The following JARID2 variants were observed in gnomAD, a reference collection of about 807,000 sequenced individuals.
JARID2 encodes protein Jumonji.
In JARID2, 21 loss-of-function variants were observed where a neutral mutation model predicts 125.6. The ratio of observed to expected loss-of-function variants is 0.17; its 90% CI spans 0.12 to 0.24. The LOEUF (loss-of-function observed/expected upper bound fraction) is 0.24, where lower values mean the gene tolerates loss of function less well. Ranked by LOEUF, JARID2 falls within the 10% of genes least tolerant of loss-of-function variation. The pLI is 1.00. For missense variants in JARID2, 1,303 were observed against 1,639.6 expected (o/e 0.79, Z 3.55); for synonymous variants, 736 against 661.6 (o/e 1.11, Z -1.73).
chr6:15,330,221 C>T (rs1309078320), intron 1 of JARID2, among the ~76,000 whole-genome samples: 1 of 152,250 alleles, frequency 6.6e-6, no homozygotes, highest in Middle Eastern at 3.2e-3. Context: ...CTTTTTCATT[C>T]ACCATCTGGT....
chr6:15,380,930 T>TC (rs35129152), intron 2 of JARID2, among the ~76,000 whole-genome samples: 75,560 of 151,944 alleles, frequency 0.5, 18,937 homozygotes, highest in Middle Eastern at 0.57. Context: ...AAAGTGACCT[T>TC]CCTCTACGAA....
chr6:15,282,556 GTCTT>G (rs1043365845), intron 1 of JARID2, among the ~76,000 whole-genome samples: 1 of 150,528 alleles, frequency 6.6e-6, no homozygotes, highest in Non-Finnish European at 1.5e-5. Context: ...CTCTGTCTTT[GTCTT>G]TCTCTCTTTC....
chr6:15,306,105 C>T (rs567979717), intron 1 of JARID2, among the ~76,000 whole-genome samples: 195 of 152,160 alleles, frequency 1.3e-3, no homozygotes, highest in African/African-American at 4.4e-3. Flanking sequence ...ACAGTTTTCC[C>T]GGGTTTCTGT....
At chr6:15,352,688 G>A (rs2127483765) in intron 1 of JARID2, among the ~76,000 whole-genome samples, 2 of 152,344 alleles carry the variant, frequency 1.3e-5, no homozygotes, top group Middle Eastern at 6.8e-3. Context: ...AGCAGACAAT[G>A]ATGGTGTGCT....
At chr6:15,389,167 T>C (rs1481659978) in intron 2 of JARID2, among the ~76,000 whole-genome samples, 1 of 152,186 alleles carries the variant, frequency 6.6e-6, no homozygotes, top group Non-Finnish European at 1.5e-5. Flanking sequence ...ATTTAATCAA[T>C]TTATTTAACT....
At chr6:15,372,790 A>G (rs2127513554) in intron 1 of JARID2, among the ~76,000 whole-genome samples, 1 of 151,092 alleles carries the variant, frequency 6.6e-6, no homozygotes, top group Admixed American at 6.6e-5. Flanking sequence ...GCTCACTGCC[A>G]CCTTTCCCTC....
chr6:15,253,770 C>T (rs954569472), intron 1 of JARID2, among the ~76,000 whole-genome samples: 9 of 152,198 alleles, frequency 5.9e-5, no homozygotes, highest in African/African-American at 2.2e-4. Context: ...GACGACACAA[C>T]ACCCACTTCT....
intron 1 of JARID2, among the ~76,000 whole-genome samples, chr6:15,294,709 A>G (rs1761345280): frequency 6.6e-6 from 1 of 152,198 alleles, no homozygotes; most frequent in Non-Finnish European, 1.5e-5. Context: ...GTCGGGAGTC[A>G]AGAACCAATG....
At chr6:15,444,511 A>G (rs1038757845) in intron 3 of JARID2, among the ~76,000 whole-genome samples, 1 of 151,994 alleles carries the variant, frequency 6.6e-6, no homozygotes, top group African/African-American at 2.4e-5. Flanking sequence ...GCGCACACAC[A>G]CGGGCACACT....
Position 15,491,034 on chromosome 6 carries a change from C to T in JARID2, c.906+3492C>T, listed in dbSNP as rs892348521. On this transcript the variant is annotated intron_variant, in intron 6 of 17. Transcript: ENST00000341776. ...GAAGAGGTTTTCATATGAAAATGTACAAGCCTTGCAGAAAAATCCTGCCCT... is the reference window on the plus strand; with the variant it reads ...GAAGAGGTTTTCATATGAAAATGTATAAGCCTTGCAGAAAAATCCTGCCCT... Among the ~76,000 whole-genome samples, 5 of 152,194 alleles carry T rather than the reference C, an allele frequency of 3.3e-5. No homozygotes were observed. The East Asian group carries it at 5.8e-4, about 18-fold the overall frequency.
chr6:15,300,807 A>C (rs1761596794), intron 1 of JARID2, among the ~76,000 whole-genome samples: 1 of 151,764 alleles, frequency 6.6e-6, no homozygotes, highest in Admixed American at 6.6e-5. Context: ...TATGATTCTT[A>C]GAGGTGTTAC....
chr6:15,450,569 G>A (rs1296218732), intron 3 of JARID2, among the ~76,000 whole-genome samples: 1 of 152,168 alleles, frequency 6.6e-6, no homozygotes, highest in Non-Finnish European at 1.5e-5. Context: ...TCCCTGTACT[G>A]TGTGGCTGTT....
chr6:15,311,518 C>T (rs1256005704), intron 1 of JARID2, among the ~76,000 whole-genome samples: 2 of 152,106 alleles, frequency 1.3e-5, no homozygotes, highest in Non-Finnish European at 2.9e-5. Context: ...GCGGAGTTTG[C>T]GGTGAGCCGA....
intron 3 of JARID2, among the ~76,000 whole-genome samples, chr6:15,423,845 TC>T (rs1474702173): frequency 1.3e-5 from 2 of 152,156 alleles, no homozygotes; most frequent in Non-Finnish European, 2.9e-5. Flanking sequence ...TGTTTTGGGT[TC>T]CTGCAACTGT....
intron 3 of JARID2, among the ~76,000 whole-genome samples, chr6:15,418,216 C>CA (rs1766323858): frequency 8.5e-6 from 1 of 117,800 alleles, no homozygotes. Context: ...CTATATTCCT[C>CA]TTTTTTTTTT....
chr6:15,349,658 G>T (rs1035927560), intron 1 of JARID2, among the ~76,000 whole-genome samples: 4 of 152,086 alleles, frequency 2.6e-5, no homozygotes, highest in Non-Finnish European at 5.9e-5. Context: ...TTCCATGAAG[G>T]GAAGTAAAAA....
At chr6:15,284,879 C>T (rs916470675) in intron 1 of JARID2, among the ~76,000 whole-genome samples, 3 of 152,220 alleles carry the variant, frequency 2.0e-5, no homozygotes, top group Admixed American at 1.3e-4. Flanking sequence ...AGGCAGCAAA[C>T]ATAAAGCTAG....
chr6:15,428,424 C>T (rs1438396492), intron 3 of JARID2, among the ~76,000 whole-genome samples: 2 of 152,104 alleles, frequency 1.3e-5, no homozygotes, highest in East Asian at 1.9e-4. Context: ...TCCACCCTCC[C>T]GCCACCCCAC....
At chr6:15,285,198 C>G (rs1236443097) in intron 1 of JARID2, among the ~76,000 whole-genome samples, 1 of 150,672 alleles carries the variant, frequency 6.6e-6, no homozygotes, top group Admixed American at 6.6e-5. Flanking sequence ...GCAACCTCCG[C>G]CTCTGGGGTT....
Sources: allele counts gnomAD v4.1 joint callset (sites outside exome capture counted in the v4.1 genomes callset), GRCh38; gene constraint gnomAD v4.1.1; transcripts MANE v1.5; gene names NCBI Gene and HGNC (gene_info 2026-07-23, HGNC 2026-07-21).